Variants in MYO1H observed in about 807,000 individuals in gnomAD.
MYO1H encodes myosin IH, also known as unconventional myosin-Ih.
In MYO1H, 118 loss-of-function variants were observed where a neutral mutation model predicts 149.3. The observed-to-expected ratio is 0.79, with a 90% confidence interval of 0.68 to 0.92. MYO1H has a LOEUF of 0.92. Ranked by LOEUF, MYO1H falls within the 40% of genes least tolerant of loss-of-function variation. The pLI, the probability that MYO1H is intolerant of heterozygous loss-of-function variation, is 0.00. For synonymous variants in MYO1H, 447 were observed against 465.2 expected (o/e 0.96, Z 0.50); for missense variants, 1,212 against 1,280.7 (o/e 0.95, Z 0.82).
At chr12:109,442,227 C>T (rs774006947) in exon 27 of MYO1H, 2 of 1,613,746 alleles carry the variant, frequency 1.2e-6, no homozygotes, top group African/African-American at 1.3e-5. Context: ...ATGAAGGAGA[C>T]ATTAATCCGA....
chr12:109,321,855 T>C, the MYO1H span, among the ~76,000 whole-genome samples: 1 of 152,190 alleles, frequency 6.6e-6, no homozygotes, highest in Non-Finnish European at 1.5e-5. Flanking sequence ...GACTGATGAC[T>C]ACAACCATTC....
chr12:109,389,750 A>T (rs77124793), intron 2 of MYO1H, among the ~76,000 whole-genome samples: 12,051 of 152,092 alleles, frequency 0.079, 568 homozygotes, highest in Middle Eastern at 0.12. Context: ...AAATTATTTA[A>T]TTTTTTGAGA....
At chr12:109,333,053 C>T in the MYO1H span, among the ~76,000 whole-genome samples, 6 of 152,212 alleles carry the variant, frequency 3.9e-5, no homozygotes, top group East Asian at 1.2e-3. Context: ...GGTGCCATGG[C>T]TCACACCTGT....
At chr12:109,427,416 G>T in intron 18 of MYO1H, 53 bp from the exon 19 acceptor site, 1 of 1,189,532 alleles carries the variant, frequency 8.4e-7, no homozygotes, top group Non-Finnish European at 1.3e-6. Context: ...TGCCTTGGTT[G>T]ATATGAAGCC....
upstream of MYO1H, among the ~76,000 whole-genome samples, chr12:109,345,167 A>G (rs1255664923): frequency 6.6e-6 from 1 of 152,230 alleles, no homozygotes; most frequent in African/African-American, 2.4e-5. Flanking sequence ...TGAAAAGACA[A>G]CCTACAGAAT....
chr12:109,407,992 G>A, intron 10 of MYO1H, 79 bp downstream of exon 10: 1 of 1,594,048 alleles, frequency 6.3e-7, no homozygotes, highest in Non-Finnish European at 8.6e-7. Context: ...AAAGAATTTG[G>A]GAGGGAGAAT....
chr12:109,409,583 A>G (rs1483777370), exon 11 of MYO1H: 2 of 1,613,758 alleles, frequency 1.2e-6, no homozygotes, highest in South Asian at 1.1e-5. Context: ...CTGTAATTGG[A>G]TTACTGGACA....
exon 31 of MYO1H, chr12:109,445,612 G>A (rs780560139): frequency 2.5e-6 from 4 of 1,608,624 alleles, no homozygotes; most frequent in East Asian, 4.5e-5. Context: ...AATTAACAGT[G>A]GTGAGTGGCC....
At chr12:109,374,313 T>C (rs918853302) in intron 1 of MYO1H, among the ~76,000 whole-genome samples, 1 of 152,226 alleles carries the variant, frequency 6.6e-6, no homozygotes, top group African/African-American at 2.4e-5. Context: ...ACTAGCTATG[T>C]GGCAAGTTAT....
the MYO1H span, among the ~76,000 whole-genome samples, chr12:109,318,967 G>GTT: frequency 3.6e-4 from 29 of 79,602 alleles, no homozygotes; most frequent in East Asian, 6.2e-4. Context: ...TGCGTTTTTG[G>GTT]TTTTGTTTTT....
At chr12:109,442,795 C>CT (rs747073389) in intron 27 of MYO1H, among the ~76,000 whole-genome samples, 5,548 of 93,750 alleles carry the variant, frequency 0.059, 273 homozygotes, top group Non-Finnish European at 0.086. Context: ...AGTGTCTGCT[C>CT]TTTTTTTTTT....
At position 109,400,395 on chromosome 12, in the gene MYO1H, A is replaced by G. The variant is rs532460534; in HGVS notation, c.571-698A>G. Among the ~76,000 whole-genome samples the G allele has an allele frequency of 2.6e-5, 4 of 152,316 alleles. 1 individual carries two copies. In the South Asian group the frequency reaches 8.3e-4, roughly 32 times the overall value. On this transcript the variant is annotated intron_variant, in intron 5 of 31. Coordinates refer to ENST00000310903, the Ensembl canonical transcript of MYO1H. The stretch of plus-strand genomic sequence containing the variant: ...TCCTTTTGAGAAATTCTGGTGGGAT[A>G]TAGTGGTTTTTCACTGTGATTTAAG...
At chr12:109,417,920 A>C (rs941016421) in intron 15 of MYO1H, among the ~76,000 whole-genome samples, 2 of 151,276 alleles carry the variant, frequency 1.3e-5, no homozygotes, top group Non-Finnish European at 2.9e-5. Flanking sequence ...GATTCATGCC[A>C]TTCTCCTGCC....
At chr12:109,421,597 C>T (rs1376682589) in intron 16 of MYO1H, among the ~76,000 whole-genome samples, 1 of 151,956 alleles carries the variant, frequency 6.6e-6, no homozygotes, top group Non-Finnish European at 1.5e-5. Context: ...GAGAGCTTAG[C>T]AGGGGCAGGT....
At chr12:109,335,321 G>A in the MYO1H span, among the ~76,000 whole-genome samples, 4 of 152,038 alleles carry the variant, frequency 2.6e-5, no homozygotes, top group East Asian at 7.7e-4. Flanking sequence ...CAGGTGTGGG[G>A]GGGTGCCATA....
the MYO1H span, among the ~76,000 whole-genome samples, chr12:109,317,788 C>T: frequency 6.6e-6 from 1 of 152,160 alleles, no homozygotes; most frequent in East Asian, 1.9e-4. Context: ...ACAGTGTCCT[C>T]TCTATTGGGC....
intron 1 of MYO1H, among the ~76,000 whole-genome samples, chr12:109,376,073 T>A (rs548838165): frequency 6.6e-6 from 1 of 152,352 alleles, no homozygotes; most frequent in East Asian, 1.9e-4. Flanking sequence ...TAGTTTTGCC[T>A]TTCACATTTA....
upstream of MYO1H, among the ~76,000 whole-genome samples, chr12:109,343,224 T>A (rs2048092304): frequency 6.6e-6 from 1 of 152,228 alleles, no homozygotes; most frequent in Non-Finnish European, 1.5e-5. Flanking sequence ...GTGAATTTGA[T>A]AAGATCTTGC....
intron 1 of MYO1H, among the ~76,000 whole-genome samples, chr12:109,385,414 G>GCTT (rs60196192): frequency 3.9e-4 from 59 of 151,184 alleles, no homozygotes; most frequent in Middle Eastern, 3.4e-3. Context: ...TCCCACTTCA[G>GCTT]CATGAGCAGC....
Sources: allele counts gnomAD v4.1 joint callset (sites outside exome capture counted in the v4.1 genomes callset), GRCh38; gene constraint gnomAD v4.1.1; transcripts MANE v1.5; gene names NCBI Gene and HGNC (gene_info 2026-07-23, HGNC 2026-07-21).